The following DENND2B variants were observed in gnomAD, a reference collection of about 807,000 sequenced individuals.
The protein encoded by DENND2B is DENN domain containing 2B.
In DENND2B, 32 loss-of-function variants were observed where a neutral mutation model predicts 116.0. The observed-to-expected ratio is 0.28, with a 90% CI of 0.21 to 0.37. DENND2B has a LOEUF of 0.37. Ranked by LOEUF, DENND2B falls within the 10% of genes least tolerant of loss-of-function variation. The probability of loss-of-function intolerance (pLI) is 1.00; values close to 1 mark genes in which losing one functional copy is unlikely to be tolerated. For synonymous variants in DENND2B, 588 were observed against 583.9 expected (o/e 1.01, Z -0.10); for missense variants, 1,276 against 1,477.7 (o/e 0.86, Z 2.24).
chr11:8,892,037 C>T (rs1160370027), intron 1 of DENND2B, among the ~76,000 whole-genome samples: 2 of 152,218 alleles, frequency 1.3e-5, no homozygotes, highest in African/African-American at 2.4e-5. Context: ...TTGTAACAAA[C>T]TGTCTCTCAG....
chr11:8,784,244 T>A (rs1442537954), intron 1 of DENND2B: 1 of 128,056 alleles, frequency 7.8e-6, no homozygotes, highest in Non-Finnish European at 1.6e-5. Context: ...GGAGACCCCA[T>A]CTCTACCGAA....
At chr11:8,737,425 T>C (rs1308485557) in intron 2 of DENND2B, among the ~76,000 whole-genome samples, 4 of 151,926 alleles carry the variant, frequency 2.6e-5, no homozygotes, top group Non-Finnish European at 5.9e-5. Flanking sequence ...TGCCAACAAC[T>C]AAGTAAGAGA....
chr11:8,859,377 G>T (rs1046036583), intron 2 of DENND2B, among the ~76,000 whole-genome samples: 3 of 151,826 alleles, frequency 2.0e-5, no homozygotes, highest in South Asian at 2.1e-4. Flanking sequence ...GCGCGATCTC[G>T]GCTCACTGCA....
intron 3 of DENND2B, among the ~76,000 whole-genome samples, chr11:8,856,752 CTTTTTTTT>C (rs397961269): frequency 7.0e-6 from 1 of 143,466 alleles, no homozygotes; most frequent in Non-Finnish European, 1.5e-5. Context: ...TCACTATTTT[CTTTTTTTT>C]TTTTTTCTTT....
chr11:8,709,773 T>C (rs754587597), intron 11 of DENND2B, among the ~76,000 whole-genome samples: 8 of 152,208 alleles, frequency 5.3e-5, no homozygotes, highest in East Asian at 1.9e-4. Flanking sequence ...CCATGGGCTA[T>C]TGTGATCATT....
At chr11:8,854,124 C>T (rs998717431) in intron 3 of DENND2B, among the ~76,000 whole-genome samples, 2 of 146,820 alleles carry the variant, frequency 1.4e-5, no homozygotes, top group African/African-American at 2.5e-5. Flanking sequence ...GCCTTGGCCT[C>T]CCAAAGTGCT....
At chr11:8,718,291 A>G in intron 4 of DENND2B, 1 of 1,346,488 alleles carries the variant, frequency 7.4e-7, no homozygotes, top group Non-Finnish European at 1.0e-6. Context: ...AGTTCAAGGT[A>G]GGAAGGGTTT....
At chr11:8,845,823 T>C (rs1008741663) in intron 3 of DENND2B, among the ~76,000 whole-genome samples, 12 of 152,216 alleles carry the variant, frequency 7.9e-5, no homozygotes, top group African/African-American at 2.9e-4. Flanking sequence ...AAAATTAACA[T>C]TAAATTATGT....
intron 2 of DENND2B, among the ~76,000 whole-genome samples, chr11:8,735,452 C>T (rs1014666991): frequency 1.3e-5 from 2 of 152,242 alleles, no homozygotes; most frequent in Non-Finnish European, 2.9e-5. Context: ...AAACAATCAA[C>T]TGTGTTAAGC....
chr11:8,699,186 C>G lies in DENND2B; in HGVS notation c.2898+27G>C, dbSNP rs202201775. Reference sequence around the variant, plus strand: ...CACCTGCTTCCCCCTCCACCCTTCCCCCCAGCTGGTTCCCCCGGTGGCCCA... The same window carrying G: ...CACCTGCTTCCCCCTCCACCCTTCCGCCCAGCTGGTTCCCCCGGTGGCCCA... On this transcript the variant is annotated intron_variant, in intron 15 of 19. Coordinates refer to ENST00000313726, the MANE Select transcript of DENND2B (RefSeq NM_213618.2). The G allele has an allele frequency of 4.5e-6, 7 of 1,540,538 alleles. No individual in the cohort carries two copies. The African/African-American group carries it at 8.3e-5, about 18-fold the overall frequency.
At position 8,696,429 on chromosome 11, in the gene DENND2B, T is replaced by C; in HGVS notation, c.3290A>G (p.Lys1097Arg). Residue 1097 changes from lysine to arginine, a missense_variant and splice_region_variant, in exon 18 of 20, where the codon AAG becomes AGG. This residue lies in a region of DENND2B where 420 missense variants were observed against 631.1 expected (regional missense o/e 0.67). Coordinates refer to ENST00000313726, the MANE Select transcript of DENND2B (RefSeq NM_213618.2). ...QDRELRKCRAKGLFEQRVEQY... is the reference protein window; with the variant it reads ...QDRELRKCRARGLFEQRVEQY... The stretch of plus-strand genomic sequence containing the variant: ...GAGAGCTGATAACCAAGACTTACCC[T>C]TTGCCCGACACTTTCTTAGCTCCCT... 1 of 1,614,138 alleles carries C rather than the reference T, an allele frequency of 6.2e-7. No homozygotes were observed. Among genetic ancestry groups the C allele is most frequent in the Non-Finnish European group, 8.5e-7 (1 of 1,180,012 alleles).
intron 4 of DENND2B, chr11:8,719,109 G>A: frequency 3.0e-6 from 3 of 985,540 alleles, no homozygotes; most frequent in Non-Finnish European, 3.6e-6. Context: ...CGCCCCAGAG[G>A]AACTCAGACC....
chr11:8,873,740 T>G (rs149840993), upstream of DENND2B, among the ~76,000 whole-genome samples: 554 of 152,262 alleles, frequency 3.6e-3, 2 homozygotes, highest in Non-Finnish European at 6.6e-3. Flanking sequence ...GTGCCCAGCA[T>G]GAAATAAGCG....
chr11:8,858,426 A>G (rs941296001), intron 2 of DENND2B, among the ~76,000 whole-genome samples: 28 of 152,104 alleles, frequency 1.8e-4, no homozygotes, highest in Non-Finnish European at 4.4e-5. Flanking sequence ...GGATGGGCAG[A>G]GAAGGCCTCC....
At chr11:8,726,043 G>A (rs1454998142) in intron 4 of DENND2B, 30 bp downstream of exon 4, 1 of 1,613,166 alleles carries the variant, frequency 6.2e-7, no homozygotes, top group African/African-American at 1.3e-5. Flanking sequence ...CCCCTGAGAT[G>A]ACCCAGGTGC....
chr11:8,722,626 CAGAA>C (rs1445696636), intron 4 of DENND2B, among the ~76,000 whole-genome samples: 3 of 152,316 alleles, frequency 2.0e-5, no homozygotes, highest in Admixed American at 1.3e-4. Flanking sequence ...CAGAATCTAA[CAGAA>C]AGAGAGTATT....
intron 2 of DENND2B, among the ~76,000 whole-genome samples, chr11:8,732,376 C>T (rs1027843238): frequency 5.9e-5 from 9 of 152,218 alleles, no homozygotes; most frequent in African/African-American, 2.2e-4. Context: ...TCCGAGGTCA[C>T]TCAGCTGGTA....
At chr11:8,810,996 G>C, upstream of DENND2B, 1 of 299,556 alleles carries the variant, frequency 3.3e-6, no homozygotes. Context: ...GGAGAAGACA[G>C]TGAGTGGACT....
intron 3 of DENND2B, among the ~76,000 whole-genome samples, chr11:8,844,474 A>G (rs2062735521): frequency 6.6e-6 from 1 of 152,196 alleles, no homozygotes; most frequent in East Asian, 1.9e-4. Flanking sequence ...TCTTAAATGA[A>G]TCTAAATGAT....
Sources: allele counts gnomAD v4.1 joint callset (sites outside exome capture counted in the v4.1 genomes callset), GRCh38; gene constraint gnomAD v4.1.1; regional missense constraint gnomAD v4.1.1; transcripts MANE v1.5; gene names NCBI Gene and HGNC (gene_info 2026-07-23, HGNC 2026-07-21).